The following BTBD8 variants were observed in gnomAD, a reference collection of about 807,000 sequenced individuals.
BTBD8 encodes BTB domain containing 8.
In BTBD8, 110 loss-of-function variants were observed where a neutral mutation model predicts 162.9. The observed-to-expected ratio is 0.68, with a 90% CI of 0.58 to 0.79. BTBD8 has a LOEUF of 0.79. Among genes scored for constraint, BTBD8 ranks in the 30% least tolerant of loss-of-function variants. BTBD8 has a pLI of 0.00. For synonymous variants in BTBD8, 667 were observed against 716.1 expected (o/e 0.93, Z 1.10); for missense variants, 1,905 against 2,085.4 (o/e 0.91, Z 1.68).
chr1:92,148,457 G>A (rs1649976053), intron 9 of BTBD8, among the ~76,000 whole-genome samples: 1 of 152,218 alleles, frequency 6.6e-6, no homozygotes, highest in Admixed American at 6.5e-5. Context: ...TGGCTTGATA[G>A]TATTGAGGAA....
At chr1:92,107,417 T>C (rs1264088878) in intron 3 of BTBD8, among the ~76,000 whole-genome samples, 8 of 152,206 alleles carry the variant, frequency 5.3e-5, no homozygotes, top group African/African-American at 1.9e-4. Flanking sequence ...TTACTGTACC[T>C]TTTCTATGCT....
chr1:92,147,556 GT>G (rs1165503439), intron 8 of BTBD8, 127 bp from the exon 9 acceptor site: 1 of 682,816 alleles, frequency 1.5e-6, no homozygotes, highest in Non-Finnish European at 2.4e-6. Context: ...CCATTTTAGG[GT>G]TCATAAAATT....
intron 12 of BTBD8, 32 bp downstream of exon 12, chr1:92,169,027 T>C (rs891406398): frequency 6.1e-6 from 9 of 1,482,948 alleles, no homozygotes; most frequent in African/African-American, 1.4e-5. Flanking sequence ...TCAATTCTTA[T>C]GTAATGATCA....
intron 9 of BTBD8, among the ~76,000 whole-genome samples, chr1:92,160,151 T>C (rs1377088820): frequency 6.6e-6 from 1 of 152,046 alleles, no homozygotes; most frequent in Non-Finnish European, 1.5e-5. Context: ...TAGTCTGCTG[T>C]TGAACACCTT....
intron 9 of BTBD8, among the ~76,000 whole-genome samples, chr1:92,156,517 CAGAATTCAGTAATGAAGCCATCAGT>C (rs911429953): frequency 1.3e-5 from 2 of 152,070 alleles, no homozygotes; most frequent in Admixed American, 6.5e-5. Context: ...CTTTAACTAG[CAGAATTCAGTAATGAAGCCATCAGT>C]AGAATTCAGT....
In BTBD8 at chr1:92,102,632, G is replaced by T; in HGVS notation, c.507G>T (p.Glu169Asp). The T allele has an allele frequency of 6.6e-7, 1 of 1,521,176 alleles. No homozygotes were observed. The allele number at this position is 1,521,176 out of a possible 1,614,324, so 94.2% of individuals were successfully genotyped here. A position where few individuals can be genotyped will look rare whatever the true frequency, so the allele number is the denominator to read the frequency against. Residue 169 changes from glutamate (E) to aspartate (D), a missense_variant, in exon 3 of 18, where the codon GAG becomes GAT. Transcript: ENST00000636805. ...DCSLQKHEIP[E>D]DISDRDDDFI... ...CTCTTCAGAAGCATGAAATTCCAGA[G>T]GATATCAGTGACAGAGATGATGATT...
chr1:92,160,908 A>G (rs1650258851), intron 9 of BTBD8, among the ~76,000 whole-genome samples: 1 of 152,190 alleles, frequency 6.6e-6, no homozygotes, highest in Non-Finnish European at 1.5e-5. Context: ...GGGTCCCATC[A>G]GCACTCCAAG....
chr1:92,134,599 A>C (rs930949081), intron 5 of BTBD8, among the ~76,000 whole-genome samples: 1 of 152,132 alleles, frequency 6.6e-6, no homozygotes, highest in Non-Finnish European at 1.5e-5. Context: ...CCAACTCCTC[A>C]GTTACTCTCT....
In BTBD8 at chr1:92,147,215, C is replaced by G; in HGVS notation, c.966C>G (p.Cys322Trp). 2 of 1,612,210 alleles carry G rather than the reference C, an allele frequency of 1.2e-6. No homozygotes were observed. The highest frequency in any genetic ancestry group is 1.7e-6 in the Non-Finnish European group (2 of 1,179,070). The part of the protein sequence containing the change: ...VPRTLTSILE[C>W]LIIAHSVGVE... ...GAACATTGACGTCTATACTAGAATG[C>G]CTGATTATTGCTCATTCAGTTGGAG... is the stretch of plus-strand genomic sequence containing the variant. Residue 322 changes from cysteine (C) to tryptophan (W), a missense_variant, in exon 8 of 18, where the codon TGC becomes TGG. By Grantham distance (215) the Cys-to-Trp change is radical (BLOSUM62 -2). Coordinates refer to ENST00000636805, the MANE Select transcript of BTBD8 (RefSeq NM_001376131.1).
chr1:92,095,301 G>C (rs1648417862), intron 2 of BTBD8, among the ~76,000 whole-genome samples: 1 of 152,162 alleles, frequency 6.6e-6, no homozygotes, highest in Non-Finnish European at 1.5e-5. Context: ...ATCCTGTTCA[G>C]TTGCTTACCT....
chr1:92,113,652 T>C (rs1053472501), intron 4 of BTBD8, among the ~76,000 whole-genome samples: 2 of 150,608 alleles, frequency 1.3e-5, no homozygotes, highest in Admixed American at 6.6e-5. Context: ...TGAGATGACC[T>C]TGTGACCTAG....
intron 9 of BTBD8, among the ~76,000 whole-genome samples, chr1:92,153,360 T>C: frequency 6.6e-6 from 1 of 152,336 alleles, no homozygotes; most frequent in Middle Eastern, 3.4e-3. Context: ...ATTCATCCTT[T>C]ACTTATTTTA....
At chr1:92,154,071 C>G (rs1210172294) in intron 9 of BTBD8, among the ~76,000 whole-genome samples, 3 of 152,086 alleles carry the variant, frequency 2.0e-5, no homozygotes, top group Non-Finnish European at 4.4e-5. Flanking sequence ...AGCCTGGAAT[C>G]TCCCCACTCT....
At position 92,177,566 on chromosome 1, in the gene BTBD8, T is replaced by A; in HGVS notation, c.2353+20T>A. ...CTGTAGGTGGGTTTTAGCACTGTAATTTTTAATATCTCCTGACAGTTAAAT... is the reference window on the plus strand; with the variant it reads ...CTGTAGGTGGGTTTTAGCACTGTAAATTTTAATATCTCCTGACAGTTAAAT... On this transcript the variant is annotated intron_variant, in intron 14 of 17. Coordinates refer to ENST00000636805, the MANE Select transcript of BTBD8 (RefSeq NM_001376131.1). The A allele has an allele frequency of 7.1e-7, 1 of 1,410,098 alleles. No homozygotes were observed. The highest frequency in any genetic ancestry group is 9.5e-7 in the Non-Finnish European group (1 of 1,049,668). 87.3% of individuals were successfully genotyped at this position (1,410,098 alleles called of 1,614,324 possible). A position where few individuals can be genotyped will look rare whatever the true frequency, so the allele number is the denominator to read the frequency against.
chr1:92,131,493 G>A (rs908598352), intron 5 of BTBD8, among the ~76,000 whole-genome samples: 5 of 152,160 alleles, frequency 3.3e-5, no homozygotes, highest in Non-Finnish European at 7.3e-5. Context: ...GGAGGCCAGG[G>A]CGAGTGGATC....
intron 1 of BTBD8, among the ~76,000 whole-genome samples, chr1:92,085,232 G>C (rs1253811367): frequency 6.6e-6 from 1 of 152,242 alleles, no homozygotes; most frequent in African/African-American, 2.4e-5. Flanking sequence ...TTTATCGGCA[G>C]TGTAAATTGC....
chr1:92,116,312 G>C (rs746910552), intron 4 of BTBD8, among the ~76,000 whole-genome samples: 2 of 152,064 alleles, frequency 1.3e-5, no homozygotes, highest in Non-Finnish European at 2.9e-5. Context: ...TATGTGTTCT[G>C]TTGTCCTGTG....
Position 92,147,229 on chromosome 1 carries a change from A to T in BTBD8, c.980A>T (p.His327Leu), listed in dbSNP as rs562802044. The change falls in exon 8 of 18, where the codon CAT (histidine) becomes CTT (leucine). Residue 327 changes from histidine (H) to leucine (L), a missense_variant. By Grantham distance (99) the His-to-Leu change is moderately conservative. This residue lies in a region of BTBD8 where 1,374 missense variants were observed against 1,442.7 expected (regional missense o/e 0.95). Transcript: ENST00000636805. Reference protein sequence around the residue: ...TSILECLIIAHSVGVESLFAD... With the variant: ...TSILECLIIALSVGVESLFAD... ...ATACTAGAATGCCTGATTATTGCTC[A>T]TTCAGTTGGAGTGGAAAGTCTTTTT... is the stretch of plus-strand genomic sequence containing the variant. 4.7e-5 allele frequency: 75 copies of T among 1,612,250 alleles called. No individual in the cohort carries two copies. The South Asian group carries it at 8.0e-4, about 17-fold the overall frequency.
At position 92,107,875 on chromosome 1, in the gene BTBD8, T is replaced by C. The variant is rs746287892; in HGVS notation, c.545-9T>C. 1 of 1,596,356 alleles carries C rather than the reference T, an allele frequency of 6.3e-7. No individual in the cohort carries two copies. Among genetic ancestry groups the C allele is most frequent in the East Asian group, 2.2e-5 (1 of 44,678 alleles). ...AACTATTTTTTAGTCTTGTTTTTCT[T>C]TTTTAAAGATAATTATGACTTGGAG... On this transcript the variant is annotated splice_polypyrimidine_tract_variant and intron_variant, in intron 3 of 17. Coordinates refer to ENST00000636805, the MANE Select transcript of BTBD8 (RefSeq NM_001376131.1).
Sources: allele counts gnomAD v4.1 joint callset (sites outside exome capture counted in the v4.1 genomes callset), GRCh38; gene constraint gnomAD v4.1.1; regional missense constraint gnomAD v4.1.1; transcripts MANE v1.5; gene names NCBI Gene and HGNC (gene_info 2026-07-23, HGNC 2026-07-21).